SLIT2: variants seen among roughly 807,000 people sequenced by gnomAD.
The protein encoded by SLIT2 is slit guidance ligand 2.
SLIT2 carries 41 observed loss-of-function variants against 185.7 expected under a neutral mutation model. That is an observed-to-expected ratio of 0.22 (90% CI 0.17 to 0.29). The LOEUF is 0.29. Among genes scored for constraint, SLIT2 ranks in the 10% least tolerant of loss-of-function variants. The pLI is 1.00. For missense variants in SLIT2, 1,571 were observed against 1,909.0 expected, an observed-to-expected ratio of 0.82 and a Z score of 3.30; for synonymous variants, 693 against 680.2, an observed-to-expected ratio of 1.02 and a Z score of -0.29.
chr4:20,500,816 G>A lies in SLIT2; in HGVS notation c.914+8917G>A, dbSNP rs184794413. ...TGCCGATGCAGGCAATTAGAATTGC[G>A]TTCTCAAATTTTCTTCTGAGATCCT... On this transcript the variant is annotated intron_variant, in intron 9 of 36. Transcript: ENST00000504154. Among the ~76,000 whole-genome samples the A allele has an allele frequency of 2.0e-3, 298 of 152,160 alleles. 1 individual carries two copies. The highest frequency in any genetic ancestry group is 4.1e-3 in the Admixed American group (63 of 15,280).
chr4:20,473,083 T>C (rs1389967687), intron 5 of SLIT2, among the ~76,000 whole-genome samples: 2 of 151,974 alleles, frequency 1.3e-5, no homozygotes, highest in East Asian at 3.9e-4. Flanking sequence ...GGACATATTT[T>C]AAATGTACTA....
intron 4 of SLIT2, among the ~76,000 whole-genome samples, chr4:20,297,055 G>A (rs908371631): frequency 2.0e-5 from 3 of 152,102 alleles, no homozygotes; most frequent in African/African-American, 4.8e-5. Flanking sequence ...ATTTTTTCCC[G>A]TTTTGAACCC....
At chr4:20,480,092 G>A (rs999970607) in intron 5 of SLIT2, among the ~76,000 whole-genome samples, 2 of 152,182 alleles carry the variant, frequency 1.3e-5, no homozygotes, top group African/African-American at 4.8e-5. Context: ...GATAAAGAAT[G>A]TGAATTAGTA....
chr4:20,468,350 C>A (rs1714587970), intron 5 of SLIT2, among the ~76,000 whole-genome samples: 1 of 152,034 alleles, frequency 6.6e-6, no homozygotes, highest in Non-Finnish European at 1.5e-5. Flanking sequence ...TAAGATCACC[C>A]TTTGCATTAA....
At chr4:20,456,592 T>C (rs1713093845) in intron 4 of SLIT2, among the ~76,000 whole-genome samples, 1 of 152,180 alleles carries the variant, frequency 6.6e-6, no homozygotes. Flanking sequence ...CCTCAGTATA[T>C]TGCAGTCATT....
chr4:20,329,929 G>T (rs932935497), intron 4 of SLIT2, among the ~76,000 whole-genome samples: 4 of 151,926 alleles, frequency 2.6e-5, no homozygotes, highest in Non-Finnish European at 5.9e-5. Flanking sequence ...GGGTTTTCTT[G>T]ACCTGCGTGC....
chr4:20,362,937 T>TAA (rs146257477), intron 4 of SLIT2, among the ~76,000 whole-genome samples: 1 of 151,456 alleles, frequency 6.6e-6, no homozygotes, highest in South Asian at 2.1e-4. Context: ...TTTTTTTTTT[T>TAA]AAAAAAGGGA....
intron 4 of SLIT2, among the ~76,000 whole-genome samples, chr4:20,390,779 A>AAT (rs1553892678): frequency 0.12 from 16,738 of 142,542 alleles, 1,029 homozygotes; most frequent in Middle Eastern, 0.16. Context: ...TTTAAAAAAA[A>AAT]ATATATATAT....
chr4:20,618,133 G>A (rs554364419), intron 36 of SLIT2, among the ~76,000 whole-genome samples: 7 of 152,236 alleles, frequency 4.6e-5, no homozygotes, highest in African/African-American at 1.4e-4. Context: ...AAATCATGTG[G>A]GTGAGAGGAA....
At chr4:20,608,477 G>A (rs2148977153) in intron 33 of SLIT2, among the ~76,000 whole-genome samples, 1 of 152,198 alleles carries the variant, frequency 6.6e-6, no homozygotes, top group South Asian at 2.1e-4. Flanking sequence ...TTGTATTGAT[G>A]TTAAGTGTTA....
At chr4:20,461,248 T>G (rs1347744022) in intron 4 of SLIT2, among the ~76,000 whole-genome samples, 1 of 151,894 alleles carries the variant, frequency 6.6e-6, no homozygotes, top group Non-Finnish European at 1.5e-5. Flanking sequence ...AAAAGGAGAA[T>G]TAAGAGCATG....
At chr4:20,524,431 G>T (rs1254726416) in intron 14 of SLIT2, among the ~76,000 whole-genome samples, 2 of 152,172 alleles carry the variant, frequency 1.3e-5, no homozygotes, top group African/African-American at 4.8e-5. Flanking sequence ...ATACTTCATA[G>T]TACCTTTCCA....
At chr4:20,470,760 G>A (rs936702572) in intron 5 of SLIT2, among the ~76,000 whole-genome samples, 2 of 152,056 alleles carry the variant, frequency 1.3e-5, no homozygotes, top group Admixed American at 1.3e-4. Context: ...ATTTTTAGTA[G>A]AGATGGGGTT....
intron 4 of SLIT2, among the ~76,000 whole-genome samples, chr4:20,296,376 C>A (rs1716479029): frequency 6.6e-6 from 1 of 152,124 alleles, no homozygotes; most frequent in Non-Finnish European, 1.5e-5. Flanking sequence ...CATGGCATTA[C>A]CTTTCCTTTT....
chr4:20,462,473 C>T (rs1713835632), intron 4 of SLIT2, among the ~76,000 whole-genome samples: 1 of 152,136 alleles, frequency 6.6e-6, no homozygotes, highest in Admixed American at 6.5e-5. Flanking sequence ...ATTCAGCAAA[C>T]TTGAATGGCT....
At chr4:20,392,680 A>G (rs1010327108) in intron 4 of SLIT2, among the ~76,000 whole-genome samples, 1 of 152,120 alleles carries the variant, frequency 6.6e-6, no homozygotes, top group Middle Eastern at 3.4e-3. Context: ...GTGCTTTTCT[A>G]TTTTTAATGT....
chr4:20,302,053 G>C (rs10033634), intron 4 of SLIT2, among the ~76,000 whole-genome samples: 1 of 152,174 alleles, frequency 6.6e-6, no homozygotes, highest in Non-Finnish European at 1.5e-5. Context: ...TTTACAGAAA[G>C]AGTATGTATC....
At chr4:20,452,886 C>T (rs1306977000) in intron 4 of SLIT2, among the ~76,000 whole-genome samples, 1 of 152,150 alleles carries the variant, frequency 6.6e-6, no homozygotes, top group Admixed American at 6.5e-5. Flanking sequence ...AGGTGCTCAC[C>T]CCCAAGACCT....
chr4:20,472,284 A>AGATC (rs1715206000), intron 5 of SLIT2, among the ~76,000 whole-genome samples: 1 of 17,678 alleles, frequency 5.7e-5, no homozygotes, highest in Non-Finnish European at 9.4e-5. Flanking sequence ...ATCTATATAT[A>AGATC]TAGATATATA....
Sources: allele counts gnomAD v4.1 joint callset (sites outside exome capture counted in the v4.1 genomes callset), GRCh38; gene constraint gnomAD v4.1.1; transcripts MANE v1.5; gene names NCBI Gene and HGNC (gene_info 2026-07-23, HGNC 2026-07-21).